Variants in CTNNA3 observed in about 807,000 individuals in gnomAD.
CTNNA3 encodes the protein catenin alpha-3.
In CTNNA3, 76 loss-of-function variants were observed where a neutral mutation model predicts 95.7. The ratio of observed to expected loss-of-function variants is 0.79; its 90% CI spans 0.66 to 0.96. The LOEUF is 0.96. Ranked by LOEUF, CTNNA3 falls within the 40% of genes least tolerant of loss-of-function variation. CTNNA3 has a pLI of 0.00. For synonymous variants in CTNNA3, 431 were observed against 374.4 expected, an observed-to-expected ratio of 1.15 and a Z score of -1.74; for missense variants, 1,191 against 1,089.8, an observed-to-expected ratio of 1.09 and a Z score of -1.31.
intron 11 of CTNNA3, among the ~76,000 whole-genome samples, chr10:66,449,244 C>T (rs1355868772): frequency 6.6e-6 from 1 of 151,810 alleles, no homozygotes; most frequent in African/African-American, 2.4e-5. Context: ...GTGCTGAATC[C>T]ACAGATTACG....
intron 5 of CTNNA3, among the ~76,000 whole-genome samples, chr10:67,471,310 C>T (rs1375127706): frequency 6.6e-6 from 1 of 152,178 alleles, no homozygotes; most frequent in East Asian, 1.9e-4. Flanking sequence ...GGTAAAACTG[C>T]CCCTAGTTGA....
At chr10:66,575,768 A>G (rs775959942) in intron 10 of CTNNA3, among the ~76,000 whole-genome samples, 21 of 152,258 alleles carry the variant, frequency 1.4e-4, no homozygotes, top group South Asian at 1.0e-3. Context: ...GGCTCAAAGC[A>G]AATACAACAT....
chr10:67,308,398 C>A (rs1208387790), intron 5 of CTNNA3, among the ~76,000 whole-genome samples: 1 of 152,144 alleles, frequency 6.6e-6, no homozygotes, highest in Non-Finnish European at 1.5e-5. Flanking sequence ...CCTGCACATG[C>A]TCTCTTGCCT....
chr10:67,734,902 A>C (rs1473649945), intron 1 of CTNNA3, among the ~76,000 whole-genome samples: 1 of 152,214 alleles, frequency 6.6e-6, no homozygotes, highest in African/African-American at 2.4e-5. Context: ...ATACATGGAC[A>C]TTAAAATGAT....
At chr10:66,885,995 G>A (rs1332841029) in intron 7 of CTNNA3, among the ~76,000 whole-genome samples, 5 of 152,028 alleles carry the variant, frequency 3.3e-5, no homozygotes, top group South Asian at 4.1e-4. Context: ...AAATGTCTAT[G>A]TCAGGACTTC....
chr10:66,035,056 T>A (rs930238035), intron 15 of CTNNA3, among the ~76,000 whole-genome samples: 1 of 152,198 alleles, frequency 6.6e-6, no homozygotes, highest in Non-Finnish European at 1.5e-5. Flanking sequence ...TATGTTTGAA[T>A]CTCAGTGCTA....
chr10:66,803,517 G>C (rs531182398), intron 7 of CTNNA3, among the ~76,000 whole-genome samples: 1 of 152,022 alleles, frequency 6.6e-6, no homozygotes, highest in African/African-American at 2.4e-5. Context: ...GAGTTTATTT[G>C]CATGTCTCTC....
intron 7 of CTNNA3, among the ~76,000 whole-genome samples, chr10:66,970,502 T>TGGGGGGG (rs11367465): frequency 1.4e-5 from 2 of 138,514 alleles, no homozygotes; most frequent in Non-Finnish European, 3.2e-5. Flanking sequence ...TATTCTTGGG[T>TGGGGGGG]GGGGGGGGGA....
At chr10:67,231,383 C>G (rs1865201701) in intron 5 of CTNNA3, among the ~76,000 whole-genome samples, 1 of 152,222 alleles carries the variant, frequency 6.6e-6, no homozygotes. Flanking sequence ...CCCAGAGCAG[C>G]CTAACTGGGA....
intron 5 of CTNNA3, among the ~76,000 whole-genome samples, chr10:67,239,365 T>A (rs1865625824): frequency 7.0e-6 from 1 of 142,894 alleles, no homozygotes; most frequent in African/African-American, 2.6e-5. Flanking sequence ...CTACACGTGA[T>A]AAAAAAAAAA....
chr10:66,426,914 C>A (rs2093247358), intron 11 of CTNNA3, among the ~76,000 whole-genome samples: 2 of 141,928 alleles, frequency 1.4e-5, no homozygotes, highest in Non-Finnish European at 3.3e-5. Context: ...TATTTTAAAT[C>A]TGTTTTTTCT....
At chr10:67,700,905 A>G (rs1364319895), upstream of CTNNA3, among the ~76,000 whole-genome samples, 2 of 152,210 alleles carry the variant, frequency 1.3e-5, no homozygotes, top group African/African-American at 2.4e-5. Flanking sequence ...ATATAACTAG[A>G]ATAACCAATA....
intron 9 of CTNNA3, among the ~76,000 whole-genome samples, chr10:66,675,455 T>C (rs540676717): frequency 2.0e-5 from 3 of 152,162 alleles, no homozygotes; most frequent in Admixed American, 2.0e-4. Context: ...AACCAAAATA[T>C]TCATTATTTT....
At position 66,223,490 on chromosome 10, in the gene CTNNA3, TAA is replaced by T. The variant is rs2131986764; in HGVS notation, c.1884+56978_1884+56979del. On this transcript the variant is annotated intron_variant, in intron 13 of 17. Transcript: ENST00000433211. Reference sequence around the variant, plus strand: ...GATTATTCACACTAAATAGGATTTTTAAAAGACTATCAATAACTTCTTATTTG... The same window carrying T: ...GATTATTCACACTAAATAGGATTTTTAAGACTATCAATAACTTCTTATTTG... Among the ~76,000 whole-genome samples the T allele has an allele frequency of 1.3e-5, 2 of 152,360 alleles. 1 individual carries two copies. The highest frequency in any genetic ancestry group is 4.1e-4 in the South Asian group (2 of 4,830).
intron 10 of CTNNA3, among the ~76,000 whole-genome samples, chr10:66,532,029 A>G (rs1468746660): frequency 6.6e-6 from 1 of 152,154 alleles, no homozygotes; most frequent in Non-Finnish European, 1.5e-5. Context: ...CCTTTTTTTA[A>G]AGGACTTTTA....
intron 7 of CTNNA3, among the ~76,000 whole-genome samples, chr10:66,793,558 C>A (rs1375335292): frequency 2.6e-5 from 4 of 152,006 alleles, no homozygotes; most frequent in Non-Finnish European, 4.4e-5. Flanking sequence ...AGGAACTATG[C>A]TATTCCTCTG....
intron 5 of CTNNA3, among the ~76,000 whole-genome samples, chr10:67,500,529 TAA>T (rs1329316900): frequency 6.6e-6 from 1 of 152,194 alleles, no homozygotes; most frequent in African/African-American, 2.4e-5. Flanking sequence ...AGTGGGGTGT[TAA>T]AGTCTCCCAC....
intron 6 of CTNNA3, among the ~76,000 whole-genome samples, chr10:67,190,826 C>T (rs1863086259): frequency 6.6e-6 from 1 of 151,756 alleles, no homozygotes; most frequent in African/African-American, 2.4e-5. Context: ...GACTGGGAGA[C>T]AATATTTGTA....
chr10:67,121,943 T>G (rs1329030732), intron 7 of CTNNA3, among the ~76,000 whole-genome samples: 2 of 126,042 alleles, frequency 1.6e-5, no homozygotes, highest in Non-Finnish European at 1.6e-5. Flanking sequence ...GAAACTAATT[T>G]AATTGTGTAG....
Sources: allele counts gnomAD v4.1 joint callset (sites outside exome capture counted in the v4.1 genomes callset), GRCh38; gene constraint gnomAD v4.1.1; transcripts MANE v1.5; gene names NCBI Gene and HGNC (gene_info 2026-07-23, HGNC 2026-07-21).